Variants in NYNRIN observed in about 807,000 individuals in gnomAD.
NYNRIN encodes the protein NYN domain and retroviral integrase containing.
In NYNRIN, 86 loss-of-function variants were observed where a neutral mutation model predicts 146.6. That is an observed-to-expected ratio of 0.59 (90% confidence interval 0.49 to 0.70). The LOEUF is 0.70. Among genes scored for constraint, NYNRIN ranks in the 30% least tolerant of loss-of-function variants. The pLI, the probability that NYNRIN is intolerant of heterozygous loss-of-function variation, is 0.00. For synonymous variants in NYNRIN, 1,027 were observed against 1,001.3 expected (o/e 1.03, Z -0.48); for missense variants, 2,191 against 2,377.7 (o/e 0.92, Z 1.63).
Position 24,418,519 on chromosome 14 carries a change from G to C in NYNRIN, c.*1073G>C, listed in dbSNP as rs966897299. 3.1e-6 allele frequency: 1 copy of C among 320,442 alleles called. No homozygotes were observed. The highest frequency in any genetic ancestry group is 4.5e-5 in the Admixed American group (1 of 22,388). The allele number at this position is 320,442 out of a possible 1,614,324, so 19.8% of individuals were successfully genotyped here. A position where few individuals can be genotyped will look rare whatever the true frequency, so the allele number is the denominator to read the frequency against. On this transcript the variant is annotated 3_prime_UTR_variant, in exon 9 of 9. Coordinates refer to ENST00000382554, the MANE Select transcript of NYNRIN (RefSeq NM_025081.3). ...TGCCTTCTGTGTAGAGCAAAACCCA[G>C]GCTCCCTCACAGCCATTCTTTGCAG...
chr14:24,401,202 C>T (rs571735881), intron 2 of NYNRIN, among the ~76,000 whole-genome samples: 71 of 152,304 alleles, frequency 4.7e-4, no homozygotes, highest in African/African-American at 1.6e-3. Context: ...TTCTTCGGAC[C>T]GCAGATCTCA....
In NYNRIN at chr14:24,399,043, G is replaced by A. The variant is rs1190147840; in HGVS notation, c.-61G>A. ...AGAGCTCGTCGCGGTAGCAGCGGTC[G>A]AAGGGGACCAAGCTCCAGAGGGCGG... is the stretch of plus-strand genomic sequence containing the variant. On this transcript the variant is annotated 5_prime_UTR_variant, in exon 1 of 9. Coordinates refer to ENST00000382554, the MANE Select transcript of NYNRIN (RefSeq NM_025081.3). 1.9e-6 allele frequency: 1 copy of A among 521,312 alleles called. No individual in the cohort carries two copies. The highest frequency in any genetic ancestry group is 3.5e-5 in the East Asian group (1 of 28,722). The allele number at this position is 521,312 out of a possible 1,614,324, so 32.3% of individuals were successfully genotyped here. A position where few individuals can be genotyped will look rare whatever the true frequency, so the allele number is the denominator to read the frequency against.
In NYNRIN at chr14:24,416,593, C is replaced by T. The variant is rs746050976; in HGVS notation, c.4844C>T (p.Ser1615Leu). Reference sequence around the variant, plus strand: ...CCCCTCAGGTCGACCGCCCCCTGGTCGAACCTGCAGATCGAGGTGGTGGGC... The same window carrying T: ...CCCCTCAGGTCGACCGCCCCCTGGTTGAACCTGCAGATCGAGGTGGTGGGC... ...PWPLRSTAPW[S>L]NLQIEVVGPV... Residue 1615 changes from serine to leucine, a missense_variant, in exon 9 of 9, where the codon TCG becomes TTG. Transcript: ENST00000382554. The T allele has an allele frequency of 1.5e-5, 24 of 1,613,792 alleles. No homozygotes were observed. Among genetic ancestry groups the T allele is most frequent in the African/African-American group, 4.0e-5 (3 of 74,918 alleles).
chr14:24,416,865 C>T lies in NYNRIN; in HGVS notation c.5116C>T (p.Arg1706Trp), dbSNP rs762480375. 56 of 1,607,702 alleles carry T rather than the reference C, an allele frequency of 3.5e-5. No individual in the cohort carries two copies. Among genetic ancestry groups the T allele is most frequent in the Non-Finnish European group, 4.3e-5 (50 of 1,176,386 alleles). Residue 1706 changes from arginine to tryptophan, a missense_variant, in exon 9 of 9, where the codon CGG (arginine) becomes TGG (tryptophan). Arg to Trp is a moderately radical substitution (Grantham distance 101, BLOSUM62 -3). Around this residue, in one of 3 missense-constraint regions of NYNRIN, gnomAD observed 1,291 missense variants for 1,417.0 expected, o/e 0.91. Coordinates refer to ENST00000382554, the MANE Select transcript of NYNRIN (RefSeq NM_025081.3). ...ALGAQVASLSRDLQFPCLTSS... is the reference protein window; with the variant it reads ...ALGAQVASLSWDLQFPCLTSS... ...GGGAGCCCAGGTGGCCTCCCTGAGT[C>T]GGGACCTCCAGTTCCCCTGCCTGAC... is the stretch of plus-strand genomic sequence containing the variant.
At position 24,415,899 on chromosome 14, in the gene NYNRIN, C is replaced by T. The variant is rs1306184420; in HGVS notation, c.4150C>T (p.Leu1384Phe). 3 of 1,614,020 alleles carry T rather than the reference C, an allele frequency of 1.9e-6. No individual in the cohort carries two copies. The highest frequency in any genetic ancestry group is 8.5e-7 in the Non-Finnish European group (1 of 1,179,886). ...CACTCACTGCAACTGGATCTTCAGC[C>T]TCCTGTGGGAGCTCCTGCCCCTCTG... ...FLTHCNWIFS[L>F]LWELLPLWRA... The change falls in exon 9 of 9, where the codon CTC becomes TTC. Residue 1384 changes from leucine to phenylalanine, a missense_variant. Transcript: ENST00000382554.
intron 2 of NYNRIN, among the ~76,000 whole-genome samples, chr14:24,401,337 G>C (rs1381456919): frequency 6.6e-6 from 1 of 152,190 alleles, no homozygotes; most frequent in Non-Finnish European, 1.5e-5. Flanking sequence ...TGGGAACCCA[G>C]CGTGAGGGGA....
Position 24,416,689 on chromosome 14 carries a change from A to G in NYNRIN, c.4940A>G (p.Glu1647Gly). The G allele has an allele frequency of 6.2e-7, 1 of 1,613,908 alleles. No homozygotes were observed. Among genetic ancestry groups the G allele is most frequent in the Non-Finnish European group, 8.5e-7 (1 of 1,179,852 alleles). Residue 1647 changes from glutamate (E) to glycine (G), a missense_variant, in exon 9 of 9, where the codon GAG becomes GGG. This residue lies in a region of NYNRIN where 1,291 missense variants were observed against 1,417.0 expected (regional missense o/e 0.91). Coordinates refer to ENST00000382554, the MANE Select transcript of NYNRIN (RefSeq NM_025081.3). ...GCTGACCCAAACACCAGGTGGGTGG[A>G]GGCATTCCCCCTGAAGCCCTACACA... Reference protein sequence around the residue: ...IVADPNTRWVEAFPLKPYTHT... With the variant: ...IVADPNTRWVGAFPLKPYTHT...
At chr14:24,403,352 T>G (rs1165386875) in intron 2 of NYNRIN, among the ~76,000 whole-genome samples, 1 of 152,224 alleles carries the variant, frequency 6.6e-6, no homozygotes, top group Non-Finnish European at 1.5e-5. Flanking sequence ...GTTCTTTTGG[T>G]TCTAAATTTT....
In NYNRIN at chr14:24,416,161, C is replaced by G. The variant is rs756426464; in HGVS notation, c.4412C>G (p.Ala1471Gly). 9 of 1,613,914 alleles carry G rather than the reference C, an allele frequency of 5.6e-6. No homozygotes were observed. In the South Asian group the frequency reaches 8.8e-5, roughly 16 times the overall value. Reference protein sequence around the residue: ...DVPAPTVSPHAMGKRPNLLAL... With the variant: ...DVPAPTVSPHGMGKRPNLLAL... ...CCAGCCCCTACAGTGAGTCCCCATG[C>G]CATGGGCAAGAGGCCCAATTTGCTG... The change falls in exon 9 of 9, where the codon GCC becomes GGC. Residue 1471 changes from alanine to glycine, a missense_variant. Around this residue, in one of 3 missense-constraint regions of NYNRIN, gnomAD observed 1,291 missense variants for 1,417.0 expected, o/e 0.91. Coordinates refer to ENST00000382554, the MANE Select transcript of NYNRIN (RefSeq NM_025081.3).
Position 24,408,661 on chromosome 14 carries a change from C to T in NYNRIN, c.867C>T (p.Ser289=), listed in dbSNP as rs2042891002. ...EAANQLVRVG[S]NNQDGMDSAQ... ...CTTGGGCTTCCTCCAGGGTCGGTTCCAACAACCAAGATGGTATGGACAGTG... is the reference window on the plus strand; with the variant it reads ...CTTGGGCTTCCTCCAGGGTCGGTTCTAACAACCAAGATGGTATGGACAGTG... The change falls in exon 4 of 9, where the codon TCC becomes TCT. Residue 289 remains serine, a synonymous_variant. Coordinates refer to ENST00000382554, the MANE Select transcript of NYNRIN (RefSeq NM_025081.3). 2.5e-6 allele frequency: 4 copies of T among 1,600,754 alleles called. No individual in the cohort carries two copies. The highest frequency in any genetic ancestry group is 3.4e-6 in the Non-Finnish European group (4 of 1,174,110).
chr14:24,406,639 A>T (rs951645784), intron 2 of NYNRIN, among the ~76,000 whole-genome samples: 1 of 152,236 alleles, frequency 6.6e-6, no homozygotes, highest in Non-Finnish European at 1.5e-5. Flanking sequence ...TGGCCCGGGG[A>T]CTGAGCAGAG....
Position 24,408,942 on chromosome 14 carries a change from T to C in NYNRIN, c.1148T>C (p.Leu383Pro). 2.5e-6 allele frequency: 4 copies of C among 1,613,988 alleles called. No homozygotes were observed. Among genetic ancestry groups the C allele is most frequent in the Non-Finnish European group, 3.4e-6 (4 of 1,179,880 alleles). The change falls in exon 4 of 9, where the codon CTG (leucine) becomes CCG (proline). Residue 383 changes from leucine (L) to proline (P), a missense_variant. Around this residue, in one of 3 missense-constraint regions of NYNRIN, gnomAD observed 895 missense variants for 941.2 expected, o/e 0.95. Coordinates refer to ENST00000382554, the MANE Select transcript of NYNRIN (RefSeq NM_025081.3). ...CATTCTCTACATCTGGCCTGGCTCC[T>C]GTCCCAGGCGTGCTTCAATTTCCCC... is the stretch of plus-strand genomic sequence containing the variant. ...ELHSLHLAWL[L>P]SQACFNFPFW...
At chr14:24,412,766 T>G in intron 6 of NYNRIN, 1 of 445,346 alleles carries the variant, frequency 2.2e-6, no homozygotes. Context: ...TATATACAGC[T>G]GGGAATGCGT....
rs765518334 is a variant in NYNRIN, at chr14:24,415,291, G to A, written c.3542G>A (p.Gly1181Glu). The A allele has an allele frequency of 1.2e-6, 2 of 1,613,930 alleles. No homozygotes were observed. Among genetic ancestry groups the A allele is most frequent in the Admixed American group, 3.3e-5 (2 of 60,020 alleles). The change falls in exon 9 of 9, where the codon GGG becomes GAG. Residue 1181 changes from glycine to glutamate, a missense_variant. Physicochemically the swap from Gly to Glu is moderately conservative, Grantham distance 98. Transcript: ENST00000382554. Reference sequence around the variant, plus strand: ...GCCATCCTCCATCAGGAGCACTCAGGGAGGAAGCACCCCATAGCCTATACC... The same window carrying A: ...GCCATCCTCCATCAGGAGCACTCAGAGAGGAAGCACCCCATAGCCTATACC... ...LTAILHQEHS[G>E]RKHPIAYTSK...
At position 24,399,337 on chromosome 14, in the gene NYNRIN, G is replaced by A; in HGVS notation, c.91G>A (p.Val31Met). The change falls in exon 2 of 9, where the codon GTG (valine) becomes ATG (methionine). Residue 31 changes from valine to methionine, a missense_variant. Physicochemically the swap from Val to Met is conservative, Grantham distance 21. Transcript: ENST00000382554. ...KPRVQRQRLQ[V>M]QRIFRVKLNA... ...TCGGGTGCAGCGGCAGCGGCTGCAAGTGCAGCGCATCTTTAGGGTCAAGCT... is the reference window on the plus strand; with the variant it reads ...TCGGGTGCAGCGGCAGCGGCTGCAAATGCAGCGCATCTTTAGGGTCAAGCT... The A allele has an allele frequency of 6.2e-7, 1 of 1,613,866 alleles. No homozygotes were observed. Among genetic ancestry groups the A allele is most frequent in the Non-Finnish European group, 8.5e-7 (1 of 1,179,850 alleles).
chr14:24,411,340 C>T lies in NYNRIN; in HGVS notation c.2546-14C>T. The T allele has an allele frequency of 6.2e-7, 1 of 1,613,690 alleles. No individual in the cohort carries two copies. Among genetic ancestry groups the T allele is most frequent in the South Asian group, 1.1e-5 (1 of 91,074 alleles). On this transcript the variant is annotated splice_polypyrimidine_tract_variant and intron_variant, in intron 5 of 8. Coordinates refer to ENST00000382554, the MANE Select transcript of NYNRIN (RefSeq NM_025081.3). This position sits in a 1 kb window ranked among gnomAD's most constrained non-coding sequence, Gnocchi z 4.3. ...CTCCCTTGACCATTTCTGTCTTCTGCCTTTCACCCCCAGAGAGCCACTTTC... is the reference window on the plus strand; with the variant it reads ...CTCCCTTGACCATTTCTGTCTTCTGTCTTTCACCCCCAGAGAGCCACTTTC...
chr14:24,400,260 C>T (rs2042832938), intron 2 of NYNRIN, among the ~76,000 whole-genome samples: 1 of 152,164 alleles, frequency 6.6e-6, no homozygotes, highest in East Asian at 1.9e-4. Flanking sequence ...TCACAGTGCG[C>T]CTCTCTTGCA....
intron 2 of NYNRIN, among the ~76,000 whole-genome samples, chr14:24,402,737 T>C (rs985079355): frequency 6.6e-6 from 1 of 152,058 alleles, no homozygotes; most frequent in Non-Finnish European, 1.5e-5. Flanking sequence ...CCCCAGCTGA[T>C]TGTTAAACAT....
intron 6 of NYNRIN, among the ~76,000 whole-genome samples, chr14:24,412,411 G>A (rs1022828471): frequency 2.6e-5 from 4 of 152,194 alleles, no homozygotes; most frequent in African/African-American, 9.7e-5. Context: ...GAGGAGAGGT[G>A]ATCCTTGGAA....
Sources: gnomAD v4.1 joint callset for allele counts (sites outside exome capture counted in the v4.1 genomes callset) on GRCh38, gnomAD v4.1.1 for gene constraint, gnomAD v4.1.1 regional missense constraint, Gnocchi (gnomAD v3.1) non-coding constraint, MANE v1.5 for transcripts, NCBI Gene and HGNC (gene_info 2026-07-23, HGNC 2026-07-21) for gene names.